Variants in ALOX5 observed in about 807,000 individuals in gnomAD.
The protein encoded by ALOX5 is arachidonate 5-lipoxygenase, also known as polyunsaturated fatty acid 5-lipoxygenase.
Under a neutral mutation model 87.9 loss-of-function variants are expected in ALOX5, and 64 were observed. That is an observed-to-expected ratio of 0.73 (90% confidence interval 0.60 to 0.90). The LOEUF (loss-of-function observed/expected upper bound fraction) is 0.90, where lower values mean the gene tolerates loss of function less well. ALOX5 is among the 40% of genes least tolerant of loss of function. ALOX5 has a pLI of 0.00. For missense variants in ALOX5, 822 were observed against 907.5 expected, an observed-to-expected ratio of 0.91 and a Z score of 1.21; for synonymous variants, 388 against 355.1, an observed-to-expected ratio of 1.09 and a Z score of -1.04.
In ALOX5 at chr10:45,395,843, CTT is replaced by C; in HGVS notation, c.350-10_350-9del. 1.9e-6 allele frequency: 3 copies of C among 1,613,706 alleles called. No individual in the cohort carries two copies. Among genetic ancestry groups the C allele is most frequent in the Non-Finnish European group, 2.5e-6 (3 of 1,179,592 alleles). ...TTCCTCAGGCTCCTCTCATGTTGTT[CTT>C]TCTTTACAGCAAAGTTGGCCCGAGA... is the stretch of plus-strand genomic sequence containing the variant. On this transcript the variant is annotated splice_polypyrimidine_tract_variant and intron_variant, in intron 2 of 13. Coordinates refer to ENST00000374391, the MANE Select transcript of ALOX5 (RefSeq NM_000698.5).
intron 7 of ALOX5, among the ~76,000 whole-genome samples, chr10:45,438,047 T>G (rs998229534): frequency 5.9e-5 from 9 of 152,240 alleles, no homozygotes; most frequent in African/African-American, 2.2e-4. Flanking sequence ...GTTTATCAAG[T>G]CTAGGAGTCT....
intron 3 of ALOX5, among the ~76,000 whole-genome samples, chr10:45,403,451 T>G (rs1325489972): frequency 6.6e-6 from 1 of 152,086 alleles, no homozygotes; most frequent in Non-Finnish European, 1.5e-5. Flanking sequence ...AAGCCGAGGA[T>G]GGTCATTACC....
At chr10:45,398,249 A>G (rs956846773) in intron 3 of ALOX5, among the ~76,000 whole-genome samples, 16 of 152,224 alleles carry the variant, frequency 1.1e-4, no homozygotes, top group African/African-American at 3.9e-4. Flanking sequence ...CAGAGAAAGA[A>G]TAGTCTTTTC....
chr10:45,380,559 C>T (rs1347471123), intron 1 of ALOX5, among the ~76,000 whole-genome samples: 1 of 152,218 alleles, frequency 6.6e-6, no homozygotes, highest in Non-Finnish European at 1.5e-5. Context: ...GATGATACCC[C>T]TCGCCCCTTC....
intron 4 of ALOX5, among the ~76,000 whole-genome samples, chr10:45,418,368 C>T (rs771696033): frequency 1.3e-5 from 2 of 152,158 alleles, no homozygotes; most frequent in Admixed American, 1.3e-4. Flanking sequence ...AGACCCGGCC[C>T]CAGCTCCTCC....
chr10:45,396,300 A>G (rs558614066), intron 3 of ALOX5, among the ~76,000 whole-genome samples: 1 of 152,324 alleles, frequency 6.6e-6, no homozygotes, highest in East Asian at 1.9e-4. Flanking sequence ...AAAATTGACA[A>G]CTCTTCAGCC....
chr10:45,435,945 A>AT (rs1216212079), intron 7 of ALOX5, among the ~76,000 whole-genome samples: 1 of 151,968 alleles, frequency 6.6e-6, no homozygotes, highest in Non-Finnish European at 1.5e-5. Context: ...AACATCTGTC[A>AT]TTTTTTTACT....
intron 4 of ALOX5, among the ~76,000 whole-genome samples, chr10:45,422,806 G>C (rs558203744): frequency 1.3e-5 from 2 of 152,164 alleles, no homozygotes; most frequent in Non-Finnish European, 2.9e-5. Flanking sequence ...TGGCTTAAAC[G>C]GCAGATATTT....
chr10:45,440,568 C>G lies in ALOX5; in HGVS notation c.1120C>G (p.Leu374Val). ...CATCACCCACCTTCTGCGAACACAT[C>G]TGGTGTCTGAGGTTTTTGGCATTGC... Reference protein sequence around the residue: ...QTITHLLRTHLVSEVFGIAMY... With the variant: ...QTITHLLRTHVVSEVFGIAMY... Residue 374 changes from leucine to valine, a missense_variant, in exon 8 of 14, where the codon CTG becomes GTG. Leu to Val is a conservative substitution (Grantham distance 32). Coordinates refer to ENST00000374391, the MANE Select transcript of ALOX5 (RefSeq NM_000698.5). 1 of 1,614,202 alleles carries G rather than the reference C, an allele frequency of 6.2e-7. No homozygotes were observed.
At chr10:45,386,161 T>TGTG (rs1433818908) in intron 2 of ALOX5, among the ~76,000 whole-genome samples, 1 of 151,868 alleles carries the variant, frequency 6.6e-6, no homozygotes, top group East Asian at 1.9e-4. Context: ...ATTAGCTGGA[T>TGTG]GTGGTGGTGG....
intron 7 of ALOX5, among the ~76,000 whole-genome samples, chr10:45,438,085 G>A (rs1842113837): frequency 6.6e-6 from 1 of 151,742 alleles, no homozygotes; most frequent in Non-Finnish European, 1.5e-5. Context: ...GGTTTTCTAG[G>A]TATAGAATCA....
At chr10:45,444,506 G>C (rs1017170055) in intron 13 of ALOX5, 1 of 559,722 alleles carries the variant, frequency 1.8e-6, no homozygotes, top group Non-Finnish European at 2.9e-6. Flanking sequence ...CACAGCCCAG[G>C]CTTTGCTCAC....
intron 4 of ALOX5, among the ~76,000 whole-genome samples, chr10:45,421,462 C>T (rs915935620): frequency 1.3e-5 from 2 of 152,264 alleles, no homozygotes; most frequent in Non-Finnish European, 2.9e-5. Flanking sequence ...CTCTCGGGGC[C>T]TGCGTAGGCC....
chr10:45,407,346 GAC>G (rs1202119363), intron 3 of ALOX5, among the ~76,000 whole-genome samples: 2 of 150,276 alleles, frequency 1.3e-5, no homozygotes, highest in Admixed American at 6.6e-5. Context: ...CTGTCTCTTG[GAC>G]ATTTTAAAAT....
At chr10:45,415,579 A>G (rs964213670) in intron 4 of ALOX5, among the ~76,000 whole-genome samples, 2 of 87,296 alleles carry the variant, frequency 2.3e-5, no homozygotes, top group Non-Finnish European at 4.5e-5. Flanking sequence ...AAAGTATAAT[A>G]ATAAAAAAAA....
At chr10:45,433,460 C>A (rs1458231843) in intron 7 of ALOX5, among the ~76,000 whole-genome samples, 1 of 152,214 alleles carries the variant, frequency 6.6e-6, no homozygotes, top group Non-Finnish European at 1.5e-5. Context: ...GGGATATAAT[C>A]TACGAGAACA....
chr10:45,402,301 G>T (rs1840729863), intron 3 of ALOX5, among the ~76,000 whole-genome samples: 1 of 151,996 alleles, frequency 6.6e-6, no homozygotes, highest in Admixed American at 6.6e-5. Flanking sequence ...GAACACAATT[G>T]CCCCACCTCA....
At chr10:45,401,161 C>T (rs925957718) in intron 3 of ALOX5, among the ~76,000 whole-genome samples, 1 of 152,148 alleles carries the variant, frequency 6.6e-6, no homozygotes, top group South Asian at 2.1e-4. Flanking sequence ...TCATTTCCTG[C>T]TTTGGCCCCT....
rs1839501503 is a variant in ALOX5 at position 45,374,392 on chromosome 10, TGGACAA to T, written c.115_120del (p.Asp39_Lys40del). On this transcript the variant is annotated inframe_deletion, in exon 1 of 14. Transcript: ENST00000374391. ...GCGGGCTGCAGCGAGAAGCACCTGCTGGACAAGCCCTTCTACAACGACTTCGAGCGT... is the reference window on the plus strand; with the variant it reads ...GCGGGCTGCAGCGAGAAGCACCTGCTGCCCTTCTACAACGACTTCGAGCGT... 1.9e-6 allele frequency: 3 copies of T among 1,564,436 alleles called. No individual in the cohort carries two copies. Among genetic ancestry groups the T allele is most frequent in the Non-Finnish European group, 2.6e-6 (3 of 1,159,592 alleles).
Sources: gnomAD v4.1 joint callset for allele counts (sites outside exome capture counted in the v4.1 genomes callset) on GRCh38, gnomAD v4.1.1 for gene constraint, MANE v1.5 for transcripts, NCBI Gene and HGNC (gene_info 2026-07-23, HGNC 2026-07-21) for gene names.